CCAR2: variants seen among roughly 807,000 people sequenced by gnomAD.
The protein encoded by CCAR2 is cell cycle and apoptosis regulator protein 2.
In CCAR2, 21 loss-of-function variants were observed where a neutral mutation model predicts 108.1. The observed-to-expected ratio is 0.19, with a 90% CI of 0.14 to 0.28. CCAR2 has a LOEUF of 0.28. CCAR2 is among the 10% of genes least tolerant of loss of function. The probability of loss-of-function intolerance (pLI) is 1.00; values close to 1 mark genes in which losing one functional copy is unlikely to be tolerated. For missense variants in CCAR2, 1,126 were observed against 1,177.0 expected, an observed-to-expected ratio of 0.96 and a Z score of 0.63; for synonymous variants, 577 against 472.8, an observed-to-expected ratio of 1.22 and a Z score of -2.86.
rs369824520 is a variant in CCAR2 at position 22,615,250 on chromosome 8, C to G, written c.1206-175C>G. 4.8e-5 allele frequency: 44 copies of G among 921,442 alleles called. No individual in the cohort carries two copies. The African/African-American group carries it at 6.3e-4, about 13-fold the overall frequency. 57.1% of individuals were successfully genotyped at this position (921,442 alleles called of 1,614,324 possible). Reference sequence around the variant, plus strand: ...TGCTTGTGTGGTTGCGGCCTCCCCACTGACTGATCATTTCTTGAGGACTTG... The same window carrying G: ...TGCTTGTGTGGTTGCGGCCTCCCCAGTGACTGATCATTTCTTGAGGACTTG... On this transcript the variant is annotated intron_variant, in intron 11 of 20. Transcript: ENST00000308511.
intron 7 of CCAR2, chr8:22,612,737 AT>A: frequency 4.0e-6 from 1 of 253,134 alleles, no homozygotes. Flanking sequence ...TTAATATTTT[AT>A]TTCCTTTCAG....
rs541356369 is a variant in CCAR2 at position 22,620,378 on chromosome 8, A to C, written c.*696A>C. The C allele has an allele frequency of 1.3e-5, 2 of 150,552 alleles. No individual in the cohort carries two copies. The highest frequency in any genetic ancestry group is 6.6e-5 in the Admixed American group (1 of 15,134). The allele number at this position is 150,552 out of a possible 1,614,324, so 9.3% of individuals were successfully genotyped here. On this transcript the variant is annotated 3_prime_UTR_variant, in exon 21 of 21. Coordinates refer to ENST00000308511, the MANE Select transcript of CCAR2 (RefSeq NM_001393997.1). Reference sequence around the variant, plus strand: ...ACCCATAATTCTTGCCTCTTTCCATAATCCGTGGTTTCAGTTTGACTTTGT... The same window carrying C: ...ACCCATAATTCTTGCCTCTTTCCATCATCCGTGGTTTCAGTTTGACTTTGT...
chr8:22,619,597 T>C (rs1272567378), intron 20 of CCAR2, 41 bp from the exon 21 acceptor site: 1 of 1,550,192 alleles, frequency 6.5e-7, no homozygotes, highest in Non-Finnish European at 8.7e-7. Flanking sequence ...TCAGATCACC[T>C]TGCCAGGCCC....
chr8:22,608,632 T>C (rs886679635), intron 7 of CCAR2, among the ~76,000 whole-genome samples: 1 of 152,166 alleles, frequency 6.6e-6, no homozygotes, highest in Admixed American at 6.5e-5. Context: ...TGATGCTGTG[T>C]CATCTGTAGC....
At chr8:22,619,120 G>A (rs1370560429) in intron 19 of CCAR2, 30 bp from the exon 20 acceptor site, 1 of 1,602,826 alleles carries the variant, frequency 6.2e-7, no homozygotes, top group Non-Finnish European at 8.5e-7. Flanking sequence ...TGATGGAGCA[G>A]CCGTCCCCGT....
intron 10 of CCAR2, 107 bp downstream of exon 10, chr8:22,614,610 A>G (rs541466571): frequency 8.9e-6 from 10 of 1,117,940 alleles, no homozygotes; most frequent in East Asian, 4.9e-5. Flanking sequence ...GAGGCATCTC[A>G]GAGCCGAACA....
chr8:22,618,789 A>G (rs779472333), intron 18 of CCAR2, 38 bp from the exon 19 acceptor site: 1 of 1,613,260 alleles, frequency 6.2e-7, no homozygotes, highest in Non-Finnish European at 8.5e-7. Context: ...CCCTCTCTGG[A>G]GACTCCATCC....
At chr8:22,607,473 T>C in intron 6 of CCAR2, 148 bp downstream of exon 6, 1 of 868,156 alleles carries the variant, frequency 1.2e-6, no homozygotes, top group South Asian at 2.1e-5. Context: ...TAGGGTTTTT[T>C]TTTTTTTTTT....
At chr8:22,607,873 G>C in intron 6 of CCAR2, 96 bp from the exon 7 acceptor site, 2 of 945,328 alleles carry the variant, frequency 2.1e-6, no homozygotes, top group East Asian at 2.4e-5. Flanking sequence ...TGATCCATCT[G>C]CACTGTCCTC....
rs952551858 is a variant in CCAR2 at position 22,615,125 on chromosome 8, C to A, written c.1205+124C>A. 12 of 1,282,904 alleles carry A rather than the reference C, an allele frequency of 9.4e-6. No individual in the cohort carries two copies. The East Asian group carries it at 1.5e-4, about 16-fold the overall frequency. 79.5% of individuals were successfully genotyped at this position (1,282,904 alleles called of 1,614,324 possible). On this transcript the variant is annotated intron_variant, in intron 11 of 20. Coordinates refer to ENST00000308511, the MANE Select transcript of CCAR2 (RefSeq NM_001393997.1). ...CTGCCCCCTAGTCCCGTTCCTTCCC[C>A]CTCTGGTGCCTCAGGGTAGGGTGGG...
intron 11 of CCAR2, chr8:22,615,204 T>C: frequency 1.2e-6 from 1 of 864,288 alleles, no homozygotes; most frequent in Non-Finnish European, 1.7e-6. Flanking sequence ...CTCCCTGGAG[T>C]TGTCCTTGCA....
At chr8:22,611,388 A>ATATATGTGTGTGTGTGTGTG (rs1554559973) in intron 7 of CCAR2, among the ~76,000 whole-genome samples, 1 of 128,478 alleles carries the variant, frequency 7.8e-6, no homozygotes, top group Non-Finnish European at 1.6e-5. Flanking sequence ...AAGTATATAT[A>ATATATGTGTGTGTGTGTGTG]TGTGTGTGTG....
chr8:22,621,192 C>A, downstream of CCAR2: 1 of 565,528 alleles, frequency 1.8e-6, no homozygotes, highest in South Asian at 2.2e-5. Context: ...AATAAAAAAG[C>A]CCCAAGGGTT....
At chr8:22,605,277 CGGGCCT>C in intron 1 of CCAR2, 1 of 162,550 alleles carries the variant, frequency 6.2e-6, no homozygotes. Context: ...TCCATTTTTC[CGGGCCT>C]TGCGTGGAGG....
rs186898769 is a variant in CCAR2 at position 22,607,499 on chromosome 8, G to C, written c.487+174G>C. 4.4e-5 allele frequency among the ~76,000 whole-genome samples: 6 copies of C among 137,244 alleles called. No individual in the cohort carries two copies. The Admixed American group carries it at 4.8e-4, about 11-fold the overall frequency. 90.0% of individuals were successfully genotyped at this position (137,244 alleles called of 152,430 possible). On this transcript the variant is annotated intron_variant, in intron 6 of 20. Coordinates refer to ENST00000308511, the MANE Select transcript of CCAR2 (RefSeq NM_001393997.1). ...TTTTTTTTTTTTTTGATGGAGTCTC[G>C]CTCTGTTGCCCAGGCTGGAGTGCAA...
rs1801063362 is a variant in CCAR2, at chr8:22,605,989, C to T, written c.59-96C>T. ...CAGTGAAGCTCTGTGGAGGAGCTGG[C>T]TGGAGCTGTAGCCTTTGGATTTACC... On this transcript the variant is annotated intron_variant, in intron 2 of 20. Transcript: ENST00000308511. 3 of 1,310,436 alleles carry T rather than the reference C, an allele frequency of 2.3e-6. No individual in the cohort carries two copies. The Admixed American group carries it at 5.2e-5, about 23-fold the overall frequency. 81.2% of individuals were successfully genotyped at this position (1,310,436 alleles called of 1,614,324 possible). A position where few individuals can be genotyped will look rare whatever the true frequency, so the allele number is the denominator to read the frequency against.
At chr8:22,607,120 G>A in intron 5 of CCAR2, 76 bp from the exon 6 acceptor site, 2 of 1,608,990 alleles carry the variant, frequency 1.2e-6, no homozygotes, top group South Asian at 1.1e-5. Flanking sequence ...TGTCAGGGGG[G>A]TGGGACTGCA....
downstream of CCAR2, chr8:22,621,220 T>C: frequency 1.5e-6 from 1 of 646,774 alleles, no homozygotes. Flanking sequence ...ACTGCTTACC[T>C]GCTGGGGCTG....
rs1304797376 is a variant in CCAR2 at position 22,619,287 on chromosome 8, C to T, written c.2659C>T (p.Arg887Trp). The T allele has an allele frequency of 1.3e-5, 21 of 1,564,576 alleles. No individual in the cohort carries two copies. The highest frequency in any genetic ancestry group is 2.7e-5 in the African/African-American group (2 of 73,818). ...GGAGCGACAGAAGAGCCAGCTCCAG[C>T]GGCTGCTGCAGGAGCTCCGCAGGCG... ...TAERQKSQLQ[R>W]LLQELRRRLT... is the part of the protein sequence containing the mutation. The change falls in exon 20 of 21, where the codon CGG becomes TGG. Residue 887 changes from arginine (R) to tryptophan (W), a missense_variant. This residue lies in a region of CCAR2 where 1,013 missense variants were observed against 993.9 expected (regional missense o/e 1.02). Transcript: ENST00000308511.
Sources: gnomAD v4.1 joint callset for allele counts (sites outside exome capture counted in the v4.1 genomes callset) on GRCh38, gnomAD v4.1.1 for gene constraint, gnomAD v4.1.1 regional missense constraint, MANE v1.5 for transcripts, NCBI Gene and HGNC (gene_info 2026-07-23, HGNC 2026-07-21) for gene names.